The following SLC38A2 variants were observed in gnomAD, a reference collection of about 807,000 sequenced individuals.
SLC38A2 encodes the protein solute carrier family 38 member 2.
A neutral mutation model predicts 61.5 loss-of-function variants in SLC38A2; 11 were observed. The ratio of observed to expected loss-of-function variants is 0.18; its 90% CI spans 0.11 to 0.30. The LOEUF (loss-of-function observed/expected upper bound fraction) is 0.30, where lower values mean the gene tolerates loss of function less well. Among genes scored for constraint, SLC38A2 ranks in the 10% least tolerant of loss-of-function variants. The pLI is 1.00. For synonymous variants in SLC38A2, 217 were observed against 212.5 expected (o/e 1.02, Z -0.18); for missense variants, 522 against 600.4 (o/e 0.87, Z 1.36).
intron 2 of SLC38A2, 140 bp downstream of exon 2, chr12:46,371,038 A>G (rs1943191160): frequency 1.2e-6 from 1 of 862,746 alleles, no homozygotes; most frequent in Non-Finnish European, 1.9e-6. Flanking sequence ...TTACAACAAG[A>G]TAATCGGATA....
Position 46,364,632 on chromosome 12 carries a change from A to T in SLC38A2, c.705+12T>A. 4 of 1,602,942 alleles carry T rather than the reference A, an allele frequency of 2.5e-6. No individual in the cohort carries two copies. The highest frequency in any genetic ancestry group is 3.4e-6 in the Non-Finnish European group (4 of 1,176,592). On this transcript the variant is annotated intron_variant, in intron 9 of 15. Coordinates refer to ENST00000256689, the MANE Select transcript of SLC38A2 (RefSeq NM_018976.5). ...TATAAAAAATTTTTTCTAAAAAAAA[A>T]ATCATACCCACCACAATCAGAAAGA... is the stretch of plus-strand genomic sequence containing the variant.
intron 6 of SLC38A2, 34 bp from the exon 7 acceptor site, chr12:46,366,979 C>CA: frequency 6.2e-7 from 1 of 1,609,754 alleles, no homozygotes; most frequent in Non-Finnish European, 8.5e-7. Context: ...ATTACAAGTG[C>CA]AAAACGCGGC....
At chr12:46,364,579 G>T in intron 9 of SLC38A2, 23 bp from the exon 10 acceptor site, 1 of 1,600,576 alleles carries the variant, frequency 6.2e-7, no homozygotes, top group East Asian at 2.2e-5. Context: ...TATTTTGCAT[G>T]TGTTAAACTA....
Position 46,358,653 on chromosome 12 carries a change from G to A in SLC38A2, c.*2458C>T, listed in dbSNP as rs1943047790. ...TCAAAATGCAGTTAAGAAACTTACA[G>A]GAATATATACACTTGAACCCAAGAC... On this transcript the variant is annotated 3_prime_UTR_variant, in exon 16 of 16. Coordinates refer to ENST00000256689, the MANE Select transcript of SLC38A2 (RefSeq NM_018976.5). The A allele has an allele frequency of 6.6e-6, 1 of 152,292 alleles. No homozygotes were observed. Among genetic ancestry groups the A allele is most frequent in the Non-Finnish European group, 1.5e-5 (1 of 67,996 alleles). The allele number at this position is 152,292 out of a possible 1,614,324, so 9.4% of individuals were successfully genotyped here. A position where few individuals can be genotyped will look rare whatever the true frequency, so the allele number is the denominator to read the frequency against.
chr12:46,362,406 T>C (rs1443343030), intron 14 of SLC38A2, 25 bp from the exon 15 acceptor site: 2 of 1,602,750 alleles, frequency 1.2e-6, no homozygotes, highest in South Asian at 1.1e-5. Flanking sequence ...TTATGTTTCT[T>C]GAGGATTCAA....
At chr12:46,371,832 C>T (rs1293765290) in intron 1 of SLC38A2, among the ~76,000 whole-genome samples, 2 of 152,184 alleles carry the variant, frequency 1.3e-5, no homozygotes, top group Non-Finnish European at 2.9e-5. Context: ...CTTTACTGCC[C>T]GGAGTCCCCA....
chr12:46,371,418 A>C, intron 1 of SLC38A2, 39 bp from the exon 2 acceptor site: 1 of 712,646 alleles, frequency 1.4e-6, no homozygotes, highest in South Asian at 1.8e-5. Flanking sequence ...CCGCAGCGCC[A>C]GCCCGCCGCG....
At position 46,358,597 on chromosome 12, in the gene SLC38A2, A is replaced by T; in HGVS notation, c.*2514T>A. 6.6e-6 allele frequency: 1 copy of T among 152,462 alleles called. No homozygotes were observed. The highest frequency in any genetic ancestry group is 1.9e-4 in the East Asian group (1 of 5,202). 9.4% of individuals were successfully genotyped at this position (152,462 alleles called of 1,614,324 possible). On this transcript the variant is annotated 3_prime_UTR_variant, in exon 16 of 16. Transcript: ENST00000256689. ...AATTTTCTGTACAGGTACTTTTGGG[A>T]CAATTCTTATAGTTACATAATGTGA... is the stretch of plus-strand genomic sequence containing the variant.
intron 4 of SLC38A2, among the ~76,000 whole-genome samples, chr12:46,370,145 G>A (rs866444034): frequency 6.6e-5 from 10 of 152,194 alleles, no homozygotes; most frequent in Non-Finnish European, 1.2e-4. Flanking sequence ...AAATGATTTG[G>A]AGCTTATTAG....
chr12:46,362,780 C>CTT (rs1943095964), intron 13 of SLC38A2, 142 bp from the exon 14 acceptor site: 1 of 1,025,944 alleles, frequency 9.7e-7, no homozygotes, highest in African/African-American at 1.7e-5. Context: ...AACTGTGCCT[C>CTT]TTTCTCTGCT....
At position 46,363,917 on chromosome 12, in the gene SLC38A2, TACTC is replaced by T. The variant is rs142524279; in HGVS notation, c.953+3_953+6del. 6.0e-5 allele frequency: 97 copies of T among 1,603,426 alleles called. No homozygotes were observed. The highest frequency in any genetic ancestry group is 1.1e-4 in the African/African-American group (8 of 74,378). ...TTCTCAAATTTATGTAAAAATGAAA[TACTC>T]ACTCTTTCAGTTCTTCATAGATGGG... On this transcript the variant is annotated splice_donor_5th_base_variant and intron_variant, in intron 11 of 15. Transcript: ENST00000256689.
Position 46,364,406 on chromosome 12 carries a change from AAT to A in SLC38A2, c.854_855del (p.Tyr285PhefsTer29). On this transcript the variant is annotated frameshift_variant, in exon 10 of 16. Coordinates refer to ENST00000256689, the MANE Select transcript of SLC38A2 (RefSeq NM_018976.5). LOFTEE classifies it high-confidence loss of function. ...TTAGTTACCTGTGAGTTGAAAATAA[AAT>A]AGTGAGGTCTGCAAGAGTCATTTTC... is the stretch of plus-strand genomic sequence containing the variant. Reference protein sequence around the residue: ...VTENDSCRPHYFIFNSQTVYA... With the variant: ...VTENDSCRPHXFIFNSQTVYA... 6.3e-7 allele frequency: 1 copy of A among 1,581,606 alleles called. No individual in the cohort carries two copies.
At chr12:46,361,309 C>A (rs1485948049) in intron 15 of SLC38A2, 100 bp from the exon 16 acceptor site, 3 of 907,352 alleles carry the variant, frequency 3.3e-6, no homozygotes, top group Non-Finnish European at 5.2e-6. Flanking sequence ...TAAAATCTAT[C>A]CACTATATAA....
rs764085175 is a variant in SLC38A2 at position 46,367,340 on chromosome 12, T to G, written c.315A>C (p.Ile105=). ...ATATTGACACAAATGTCAAGAGAAT[T>G]CTGGTGAGAGAAGGAAAAGGCATAG... is the stretch of plus-strand genomic sequence containing the variant. ...AMANTGIALF[I]ILLTFVSIFS... The change falls in exon 5 of 16, where the codon ATA becomes ATC. Residue 105 remains isoleucine (I), a splice_region_variant and synonymous_variant. Coordinates refer to ENST00000256689, the MANE Select transcript of SLC38A2 (RefSeq NM_018976.5). 6.5e-7 allele frequency: 1 copy of G among 1,543,244 alleles called. No individual in the cohort carries two copies. The highest frequency in any genetic ancestry group is 1.7e-5 in the Admixed American group (1 of 59,640).
At chr12:46,371,595 G>A (rs994928473) in intron 1 of SLC38A2, 9 of 356,486 alleles carry the variant, frequency 2.5e-5, no homozygotes. Flanking sequence ...TGTTGCGGCC[G>A]TCGAGGCCCC....
At chr12:46,368,602 AT>A (rs1482477032) in intron 4 of SLC38A2, among the ~76,000 whole-genome samples, 1 of 152,218 alleles carries the variant, frequency 6.6e-6, no homozygotes, top group Non-Finnish European at 1.5e-5. Context: ...ATGTTTTTTA[AT>A]TCCGTATGAA....
intron 15 of SLC38A2, 91 bp from the exon 16 acceptor site, chr12:46,361,300 A>ATCC: frequency 1.0e-6 from 1 of 977,964 alleles, no homozygotes; most frequent in Non-Finnish European, 1.6e-6. Flanking sequence ...TTTAATTACT[A>ATCC]AAATCTATCC....
chr12:46,372,750 A>G lies in SLC38A2; in HGVS notation c.-328T>C. 1 of 398,290 alleles carries G rather than the reference A, an allele frequency of 2.5e-6. No individual in the cohort carries two copies. The allele number at this position is 398,290 out of a possible 1,614,324, so 24.7% of individuals were successfully genotyped here. ...GCTAGCAGTACTGGAAAGGCGTTCTAAGGCGGCGGCGTCGCGCGGCTGTGG... is the reference window on the plus strand; with the variant it reads ...GCTAGCAGTACTGGAAAGGCGTTCTGAGGCGGCGGCGTCGCGCGGCTGTGG... On this transcript the variant is annotated 5_prime_UTR_variant, in exon 1 of 16. Coordinates refer to ENST00000256689, the MANE Select transcript of SLC38A2 (RefSeq NM_018976.5).
chr12:46,365,722 A>G (rs556760713), intron 7 of SLC38A2, among the ~76,000 whole-genome samples: 20 of 152,052 alleles, frequency 1.3e-4, no homozygotes, highest in Non-Finnish European at 2.8e-4. Flanking sequence ...AAAATTATAA[A>G]ACTCAGTCCC....
Sources: allele counts gnomAD v4.1 joint callset (sites outside exome capture counted in the v4.1 genomes callset), GRCh38; gene constraint gnomAD v4.1.1; transcripts MANE v1.5; gene names NCBI Gene and HGNC (gene_info 2026-07-23, HGNC 2026-07-21).